CUL9: variants seen among roughly 807,000 people sequenced by gnomAD.
The protein encoded by CUL9 is cullin 9.
CUL9 carries 79 observed loss-of-function variants against 272.6 expected under a neutral mutation model. The observed-to-expected ratio is 0.29, with a 90% CI of 0.24 to 0.35. The LOEUF (loss-of-function observed/expected upper bound fraction) is 0.35, where lower values mean the gene tolerates loss of function less well. CUL9 is among the 10% of genes least tolerant of loss of function. The pLI is 1.00. For missense variants in CUL9, 2,532 were observed against 3,255.6 expected (o/e 0.78, Z 5.41); for synonymous variants, 1,186 against 1,286.5 (o/e 0.92, Z 1.67).
chr6:43,219,310 A>C (rs969980273), intron 31 of CUL9, among the ~76,000 whole-genome samples: 14 of 152,214 alleles, frequency 9.2e-5, no homozygotes, highest in African/African-American at 3.4e-4. Context: ...GCACAACAGC[A>C]ATGCAAGAGA....
At chr6:43,209,214 C>G (rs1775278470) in intron 26 of CUL9, among the ~76,000 whole-genome samples, 1 of 149,092 alleles carries the variant, frequency 6.7e-6, no homozygotes, top group South Asian at 2.1e-4. Flanking sequence ...GGCGTGATCT[C>G]AGCTCACTGC....
chr6:43,187,515 G>C (rs554681943), intron 6 of CUL9, 76 bp downstream of exon 6: 28 of 1,489,810 alleles, frequency 1.9e-5, no homozygotes, highest in Non-Finnish European at 2.5e-5. Flanking sequence ...GTTTCAGATA[G>C]GGGTTACCGC....
Position 43,220,250 on chromosome 6 carries a change from C to G in CUL9, c.6283-209C>G, listed in dbSNP as rs1006715729. Among the ~76,000 whole-genome samples the G allele has an allele frequency of 1.3e-5, 2 of 152,196 alleles. No individual in the cohort carries two copies. Among genetic ancestry groups the G allele is most frequent in the East Asian group, 3.8e-4 (2 of 5,196 alleles). On this transcript the variant is annotated intron_variant, in intron 31 of 40. Transcript: ENST00000252050. This position sits in a 1 kb window ranked among gnomAD's most constrained non-coding sequence, Gnocchi z 4.9. ...GATTAGGCAAATACACAGCCCACCC[C>G]ATCCTCAAAGACAACTGTAATTTGG...
chr6:43,192,644 C>T (rs1406720559), intron 8 of CUL9, among the ~76,000 whole-genome samples: 1 of 152,192 alleles, frequency 6.6e-6, no homozygotes, highest in African/African-American at 2.4e-5. Context: ...CCATTGCACT[C>T]CAGCCTGGCA....
In CUL9 at chr6:43,200,262, C is replaced by G; in HGVS notation, c.3384+106C>G. 1 of 1,445,770 alleles carries G rather than the reference C, an allele frequency of 6.9e-7. No homozygotes were observed. The highest frequency in any genetic ancestry group is 9.5e-7 in the Non-Finnish European group (1 of 1,052,400). The allele number at this position is 1,445,770 out of a possible 1,614,324, so 89.6% of individuals were successfully genotyped here. ...TATCCCTGTTTGGCACAGGTTGTAG[C>G]AAATCTGGGGCACTTGTTTCCTAAC... On this transcript the variant is annotated intron_variant, in intron 14 of 40. Transcript: ENST00000252050. The surrounding 1 kb of genome is among the most constrained non-coding windows in gnomAD (Gnocchi z 4.0).
rs139211586 is a variant in CUL9, at chr6:43,197,223, T to A, written c.2803+361T>A. The stretch of plus-strand genomic sequence containing the variant: ...CACCACAGCGGGCTAATTTTTGTAT[T>A]TTTAGTAGAGACAGGGTTTCACCAT... On this transcript the variant is annotated intron_variant, in intron 11 of 40. Transcript: ENST00000252050. Among the ~76,000 whole-genome samples the A allele has an allele frequency of 3.7e-3, 556 of 151,168 alleles. 2 individuals are homozygous for A. Among genetic ancestry groups the A allele is most frequent in the African/African-American group, 0.013 (521 of 41,010 alleles).
chr6:43,203,575 C>T lies in CUL9; in HGVS notation c.4008C>T (p.Leu1336=), dbSNP rs567250099. The T allele has an allele frequency of 6.2e-7, 1 of 1,613,442 alleles. No homozygotes were observed. Among genetic ancestry groups the T allele is most frequent in the Admixed American group, 1.7e-5 (1 of 60,014 alleles). Residue 1336 remains leucine, a synonymous_variant, in exon 19 of 41, where the codon CTC becomes CTT. Transcript: ENST00000252050. The surrounding 1 kb of genome is among the most constrained non-coding windows in gnomAD (Gnocchi z 5.0). The part of the protein sequence containing the change: ...SRDIAEDHRR[L]LQLCPRLNRV... ...ACATAGCAGAGGACCACCGGCGCCTCCTCCAGCTCTGTCCCAGGTGGGTGG... is the reference window on the plus strand; with the variant it reads ...ACATAGCAGAGGACCACCGGCGCCTTCTCCAGCTCTGTCCCAGGTGGGTGG...
rs1193868564 is a variant in CUL9, at chr6:43,215,331, C to T, written c.5936+5C>T. 1.4e-5 allele frequency: 22 copies of T among 1,601,898 alleles called. No individual in the cohort carries two copies. The highest frequency in any genetic ancestry group is 1.8e-5 in the Non-Finnish European group (21 of 1,175,156). On this transcript the variant is annotated splice_donor_5th_base_variant and intron_variant, in intron 30 of 40. Transcript: ENST00000252050. ...GAGCGAAACCTCCAAGCCCAGGTAG[C>T]CACTGCACCTGACCCCTTGCAGTGA...
chr6:43,182,418 C>T (rs1772472158), intron 1 of CUL9, among the ~76,000 whole-genome samples, 169 bp downstream of exon 1: 1 of 151,756 alleles, frequency 6.6e-6, no homozygotes, highest in Non-Finnish European at 1.5e-5. Flanking sequence ...CTTCCCCCTC[C>T]CCCCAAACCC....
Position 43,206,088 on chromosome 6 carries a change from T to C in CUL9, c.4875T>C (p.Phe1625=). The C allele has an allele frequency of 1.2e-6, 2 of 1,614,136 alleles. No individual in the cohort carries two copies. Among genetic ancestry groups the C allele is most frequent in the Non-Finnish European group, 1.7e-6 (2 of 1,180,034 alleles). The change falls in exon 25 of 41, where the codon TTT becomes TTC. Residue 1625 remains phenylalanine (F), a synonymous_variant. Coordinates refer to ENST00000252050, the MANE Select transcript of CUL9 (RefSeq NM_015089.4). This position sits in a 1 kb window ranked among gnomAD's most constrained non-coding sequence, Gnocchi z 4.8. ...TGCTAGAGCAGATTGGCCTCTGTTT[T>C]CCCAACCGCCTCCCACAGCTGATGC... ...GAVLEQIGLC[F]PNRLPQLMLQ...
rs929988507 is a variant in CUL9 at position 43,218,329 on chromosome 6, G to A, written c.6282+1826G>A. Among the ~76,000 whole-genome samples the A allele has an allele frequency of 6.6e-6, 1 of 152,040 alleles. No homozygotes were observed. Among genetic ancestry groups the A allele is most frequent in the Non-Finnish European group, 1.5e-5 (1 of 68,008 alleles). On this transcript the variant is annotated intron_variant, in intron 31 of 40. Transcript: ENST00000252050. The surrounding 1 kb of genome is among the most constrained non-coding windows in gnomAD (Gnocchi z 4.4). ...TCTCCCGGGTTCAAGCGATTCTTCTGCCTCAGCCTCCCGAGTAGCTGGGAC... is the reference window on the plus strand; with the variant it reads ...TCTCCCGGGTTCAAGCGATTCTTCTACCTCAGCCTCCCGAGTAGCTGGGAC...
At position 43,184,301 on chromosome 6, in the gene CUL9, G is replaced by A; in HGVS notation, c.-9-1G>A. ...CTTATCTTTCTCCTTGTGTATCCCA[G>A]GAGGTCAGGATGGTGGGGGAACGGC... On this transcript the variant is annotated splice_acceptor_variant, in intron 1 of 40. Transcript: ENST00000252050. LOFTEE classifies it low-confidence loss of function (5UTR_SPLICE). The surrounding 1 kb of genome is among the most constrained non-coding windows in gnomAD (Gnocchi z 4.8). 1 of 1,471,218 alleles carries A rather than the reference G, an allele frequency of 6.8e-7. No individual in the cohort carries two copies. The highest frequency in any genetic ancestry group is 9.0e-7 in the Non-Finnish European group (1 of 1,106,496). 91.1% of individuals were successfully genotyped at this position (1,471,218 alleles called of 1,614,324 possible). A position where few individuals can be genotyped will look rare whatever the true frequency, so the allele number is the denominator to read the frequency against.
rs565190181 is a variant in CUL9, at chr6:43,197,226, T to A, written c.2803+364T>A. Among the ~76,000 whole-genome samples, 10 of 152,040 alleles carry A rather than the reference T, an allele frequency of 6.6e-5. No individual in the cohort carries two copies. The East Asian group carries it at 1.9e-3, about 30-fold the overall frequency. ...CACAGCGGGCTAATTTTTGTATTTTTAGTAGAGACAGGGTTTCACCATGTT... is the reference window on the plus strand; with the variant it reads ...CACAGCGGGCTAATTTTTGTATTTTAAGTAGAGACAGGGTTTCACCATGTT... On this transcript the variant is annotated intron_variant, in intron 11 of 40. Coordinates refer to ENST00000252050, the MANE Select transcript of CUL9 (RefSeq NM_015089.4).
chr6:43,221,511 G>C lies in CUL9; in HGVS notation c.6753-174G>C, dbSNP rs938060202. The C allele has an allele frequency of 2.3e-6, 2 of 870,980 alleles. No homozygotes were observed. The highest frequency in any genetic ancestry group is 3.5e-6 in the Non-Finnish European group (2 of 574,306). The allele number at this position is 870,980 out of a possible 1,614,324, so 54.0% of individuals were successfully genotyped here. On this transcript the variant is annotated intron_variant, in intron 34 of 40. Transcript: ENST00000252050. The surrounding 1 kb of genome is among the most constrained non-coding windows in gnomAD (Gnocchi z 4.2). ...CTTCTCCCACTCGTAAGTCCACACTGACTGGGGGAGTTCAAAAGCAGAGGT... is the reference window on the plus strand; with the variant it reads ...CTTCTCCCACTCGTAAGTCCACACTCACTGGGGGAGTTCAAAAGCAGAGGT...
chr6:43,191,475 C>T (rs1773483901), intron 8 of CUL9, among the ~76,000 whole-genome samples: 1 of 116,428 alleles, frequency 8.6e-6, no homozygotes, highest in Non-Finnish European at 1.7e-5. Context: ...CCACCACACC[C>T]AGCTAATTTT....
chr6:43,200,816 A>G lies in CUL9; in HGVS notation c.3629A>G (p.His1210Arg), dbSNP rs775260537. Residue 1210 changes from histidine to arginine, a missense_variant, in exon 16 of 41, where the codon CAC becomes CGC. Around this residue, in one of 3 missense-constraint regions of CUL9, gnomAD observed 2,218 missense variants for 2,788.6 expected, o/e 0.80. Transcript: ENST00000252050. The surrounding 1 kb of genome is among the most constrained non-coding windows in gnomAD (Gnocchi z 4.0). ...TGSHYITLHM[H>R]RGVLVRQLTL... The stretch of plus-strand genomic sequence containing the variant: ...TCCCACTACATCACCCTGCACATGC[A>G]CCGTGGTGTTCTTGTTAGGTGTGAA... 1.9e-6 allele frequency: 3 copies of G among 1,614,066 alleles called. No homozygotes were observed. Among genetic ancestry groups the G allele is most frequent in the African/African-American group, 2.7e-5 (2 of 74,920 alleles).
At position 43,206,378 on chromosome 6, in the gene CUL9, G is replaced by T. The variant is rs1423998209; in HGVS notation, c.5080G>T (p.Ala1694Ser). 2 of 1,614,188 alleles carry T rather than the reference G, an allele frequency of 1.2e-6. No homozygotes were observed. Among genetic ancestry groups the T allele is most frequent in the Non-Finnish European group, 1.7e-6 (2 of 1,180,040 alleles). The change falls in exon 26 of 41, where the codon GCC (alanine) becomes TCC (serine). Residue 1694 changes from alanine (A) to serine (S), a missense_variant. Transcript: ENST00000252050. The surrounding 1 kb of genome is among the most constrained non-coding windows in gnomAD (Gnocchi z 4.8). Reference sequence around the variant, plus strand: ...ATTATTTATCGAAGATCCAAGTCCAGCCATTTCTATACTGGTCCTGTCACC... The same window carrying T: ...ATTATTTATCGAAGATCCAAGTCCATCCATTTCTATACTGGTCCTGTCACC... ...KELFIEDPSP[A>S]ISILVLSPRC...
rs2150570170 is a variant in CUL9, at chr6:43,199,723, G to T, written c.3157-206G>T. Among the ~76,000 whole-genome samples the T allele has an allele frequency of 6.6e-6, 1 of 152,284 alleles. No homozygotes were observed. The highest frequency in any genetic ancestry group is 1.5e-5 in the Non-Finnish European group (1 of 68,020). ...GGCAGGAAGCAGCCTGGAAAGCTGT[G>T]CCCAAGCTCTGTTCTGCCAACTCAC... On this transcript the variant is annotated intron_variant, in intron 13 of 40. Coordinates refer to ENST00000252050, the MANE Select transcript of CUL9 (RefSeq NM_015089.4). The surrounding 1 kb of genome is among the most constrained non-coding windows in gnomAD (Gnocchi z 4.4).
In CUL9 at chr6:43,204,003, C is replaced by T. The variant is rs1256167978; in HGVS notation, c.4159+16C>T. ...ACCTCTCCCGGTAACCATGCTGACA[C>T]CTGGCCCCACTAACCAGTTCCTTGT... is the stretch of plus-strand genomic sequence containing the variant. On this transcript the variant is annotated intron_variant, in intron 20 of 40. Coordinates refer to ENST00000252050, the MANE Select transcript of CUL9 (RefSeq NM_015089.4). 1 of 1,582,756 alleles carries T rather than the reference C, an allele frequency of 6.3e-7. No homozygotes were observed. The highest frequency in any genetic ancestry group is 8.6e-7 in the Non-Finnish European group (1 of 1,161,028).
Sources: allele counts gnomAD v4.1 joint callset (sites outside exome capture counted in the v4.1 genomes callset), GRCh38; gene constraint gnomAD v4.1.1; regional missense constraint gnomAD v4.1.1; non-coding constraint Gnocchi (gnomAD v3.1); transcripts MANE v1.5; gene names NCBI Gene and HGNC (gene_info 2026-07-23, HGNC 2026-07-21).